The following USP25 variants were observed in gnomAD, a reference collection of about 807,000 sequenced individuals.
USP25 encodes ubiquitin carboxyl-terminal hydrolase 25.
In USP25, 85 loss-of-function variants were observed where a neutral mutation model predicts 158.5. The ratio of observed to expected loss-of-function variants is 0.54; its 90% CI spans 0.45 to 0.64. The LOEUF (loss-of-function observed/expected upper bound fraction) is 0.64, where lower values mean the gene tolerates loss of function less well. Among genes scored for constraint, USP25 ranks in the 30% least tolerant of loss-of-function variants. The pLI, the probability that USP25 is intolerant of heterozygous loss-of-function variation, is 0.00. For synonymous variants in USP25, 464 were observed against 460.4 expected (o/e 1.01, Z -0.10); for missense variants, 1,242 against 1,327.3 (o/e 0.94, Z 1.00).
intron 4 of USP25, among the ~76,000 whole-genome samples, chr21:15,787,206 T>A (rs965122611): frequency 2.6e-5 from 4 of 152,048 alleles, no homozygotes; most frequent in African/African-American, 9.7e-5. Context: ...CTTACTGCAG[T>A]CCATGTAAAA....
At chr21:15,742,876 G>A (rs530915722) in intron 1 of USP25, among the ~76,000 whole-genome samples, 25 of 152,298 alleles carry the variant, frequency 1.6e-4, no homozygotes, top group South Asian at 4.2e-4. Flanking sequence ...CTGCCACTCC[G>A]TGCTCAGCCC....
chr21:15,869,032 G>T (rs1194739460), intron 22 of USP25, among the ~76,000 whole-genome samples: 32 of 152,064 alleles, frequency 2.1e-4, no homozygotes, highest in Admixed American at 2.0e-3. Flanking sequence ...AGTTGTTTGA[G>T]GCCAGGAATT....
At chr21:15,827,765 CGT>C (rs34923569) in intron 14 of USP25, among the ~76,000 whole-genome samples, 19,112 of 136,550 alleles carry the variant, frequency 0.14, 1,816 homozygotes, top group African/African-American at 0.27. Flanking sequence ...TGTGCGTGTG[CGT>C]GTGTGTGTGT....
At chr21:15,797,133 G>T (rs1326763865) in intron 5 of USP25, among the ~76,000 whole-genome samples, 1 of 151,368 alleles carries the variant, frequency 6.6e-6, no homozygotes, top group Non-Finnish European at 1.5e-5. Flanking sequence ...GAGCATCAAA[G>T]AGATACTTTG....
At chr21:15,823,994 C>T in intron 10 of USP25, 45 bp from the exon 11 acceptor site, 1 of 1,576,454 alleles carries the variant, frequency 6.3e-7, no homozygotes, top group Non-Finnish European at 8.7e-7. Context: ...GTGAAGAAAA[C>T]AAAGGTGGTA....
At chr21:15,818,376 A>G (rs916025314) in intron 9 of USP25, among the ~76,000 whole-genome samples, 9 of 152,194 alleles carry the variant, frequency 5.9e-5, no homozygotes, top group African/African-American at 1.4e-4. Flanking sequence ...CTCAGGGACC[A>G]TATCTCTCTT....
Position 15,854,503 on chromosome 21 carries a change from C to T in USP25, c.2547+4631C>T, listed in dbSNP as rs147067673. Among the ~76,000 whole-genome samples, 78 of 151,976 alleles carry T rather than the reference C, an allele frequency of 5.1e-4. No individual in the cohort carries two copies. In the East Asian group the frequency reaches 0.013, roughly 25 times the overall value. On this transcript the variant is annotated intron_variant, in intron 20 of 25. Transcript: ENST00000400183. ...TGCCACGTCCTGAAAAAATCTTGGT[C>T]GGGTCTATTTTACATTAGCTTTTTG...
At chr21:15,835,159 T>C (rs1460086615) in intron 17 of USP25, among the ~76,000 whole-genome samples, 3 of 152,212 alleles carry the variant, frequency 2.0e-5, no homozygotes, top group Non-Finnish European at 4.4e-5. Context: ...GGCTGCATAG[T>C]GTACTATAAG....
chr21:15,750,613 CT>C (rs369555741), intron 1 of USP25, among the ~76,000 whole-genome samples: 11,090 of 146,532 alleles, frequency 0.076, 438 homozygotes, highest in East Asian at 0.092. Context: ...TCCCCTAATT[CT>C]TTTTTTTTTT....
intron 5 of USP25, among the ~76,000 whole-genome samples, chr21:15,793,320 T>C (rs1733618860): frequency 6.6e-6 from 1 of 151,574 alleles, no homozygotes; most frequent in African/African-American, 2.4e-5. Context: ...AATGCTGATA[T>C]AGGGATAATG....
At chr21:15,780,022 G>T (rs556774783) in intron 4 of USP25, among the ~76,000 whole-genome samples, 3 of 152,208 alleles carry the variant, frequency 2.0e-5, no homozygotes, top group Non-Finnish European at 4.4e-5. Flanking sequence ...GCTCATATGG[G>T]TTTATTAAGG....
intron 2 of USP25, 52 bp from the exon 3 acceptor site, chr21:15,765,945 G>T: frequency 6.5e-7 from 1 of 1,543,534 alleles, no homozygotes. Context: ...AACTTTTTTT[G>T]ATGGATAAAA....
Position 15,861,804 on chromosome 21 carries a change from G to T in USP25, c.2548-2464G>T, listed in dbSNP as rs570959530. On this transcript the variant is annotated intron_variant, in intron 20 of 25. Transcript: ENST00000400183. Reference sequence around the variant, plus strand: ...AAAATAGTTAAGAATTGCATTTATGGTGGTAAAAATGTTTTCTTGTGTGAT... The same window carrying T: ...AAAATAGTTAAGAATTGCATTTATGTTGGTAAAAATGTTTTCTTGTGTGAT... Among the ~76,000 whole-genome samples, 11 of 152,176 alleles carry T rather than the reference G, an allele frequency of 7.2e-5. No individual in the cohort carries two copies. In the South Asian group the frequency reaches 2.1e-3, roughly 29 times the overall value.
intron 1 of USP25, among the ~76,000 whole-genome samples, chr21:15,740,396 A>T (rs570487593): frequency 6.6e-6 from 1 of 152,016 alleles, no homozygotes; most frequent in East Asian, 1.9e-4. Context: ...TTGAACGGAC[A>T]TTGTTTTTTT....
Position 15,808,872 on chromosome 21 carries a change from G to A in USP25, c.844G>A (p.Ala282Thr), listed in dbSNP as rs761191494. ...DWLEDAFQMKAEEETDEEKPK... is the reference protein window; with the variant it reads ...DWLEDAFQMKTEEETDEEKPK... ...GTTAGAAGATGCCTTCCAAATGAAAGCTGAAGAGGAGACGTAAGTTACCGT... is the reference window on the plus strand; with the variant it reads ...GTTAGAAGATGCCTTCCAAATGAAAACTGAAGAGGAGACGTAAGTTACCGT... The change falls in exon 8 of 26, where the codon GCT becomes ACT. Residue 282 changes from alanine to threonine, a missense_variant. This residue lies in a region of USP25 where 627 missense variants were observed against 701.4 expected (regional missense o/e 0.89). Coordinates refer to ENST00000400183, the MANE Select transcript of USP25 (RefSeq NM_001283041.3). 6.2e-7 allele frequency: 1 copy of A among 1,610,980 alleles called. No individual in the cohort carries two copies. The highest frequency in any genetic ancestry group is 1.1e-5 in the South Asian group (1 of 90,380).
rs1236122596 is a variant in USP25, at chr21:15,812,952, C to T, written c.931+1742C>T. 3.9e-5 allele frequency among the ~76,000 whole-genome samples: 6 copies of T among 151,994 alleles called. No individual in the cohort carries two copies. The East Asian group carries it at 1.2e-3, about 29-fold the overall frequency. ...TTTTGAGAACTTCTAGTTCATTGTC[C>T]CCTCTCAGCCCTTCTCTGTACTTCA... On this transcript the variant is annotated intron_variant, in intron 9 of 25. Coordinates refer to ENST00000400183, the MANE Select transcript of USP25 (RefSeq NM_001283041.3).
intron 1 of USP25, among the ~76,000 whole-genome samples, chr21:15,733,130 C>CGGGG (rs2031107755): frequency 3.6e-5 from 1 of 27,990 alleles, no homozygotes; most frequent in Admixed American, 2.5e-4. Flanking sequence ...TACTCCACGG[C>CGGGG]GCCCCCCCCC....
chr21:15,840,442 G>C (rs192123636), intron 17 of USP25, among the ~76,000 whole-genome samples: 2 of 151,948 alleles, frequency 1.3e-5, no homozygotes, highest in Non-Finnish European at 2.9e-5. Flanking sequence ...AATGGCACAG[G>C]TTCAATAAAC....
intron 5 of USP25, among the ~76,000 whole-genome samples, chr21:15,798,639 G>A (rs1467459338): frequency 6.6e-6 from 1 of 151,214 alleles, no homozygotes; most frequent in Non-Finnish European, 1.5e-5. Flanking sequence ...ATAAATATTT[G>A]TTAAATGAAT....
Sources: gnomAD v4.1 joint callset for allele counts (sites outside exome capture counted in the v4.1 genomes callset) on GRCh38, gnomAD v4.1.1 for gene constraint, gnomAD v4.1.1 regional missense constraint, MANE v1.5 for transcripts, NCBI Gene and HGNC (gene_info 2026-07-23, HGNC 2026-07-21) for gene names.